IL6ST: variants seen among roughly 807,000 people sequenced by gnomAD.
IL6ST encodes the protein interleukin 6 cytokine family signal transducer, also known as interleukin-6 receptor subunit beta.
IL6ST carries 24 observed loss-of-function variants against 91.3 expected under a neutral mutation model. The observed-to-expected ratio is 0.26, with a 90% CI of 0.19 to 0.37. The LOEUF (loss-of-function observed/expected upper bound fraction) is 0.37. Ranked by LOEUF, IL6ST falls within the 10% of genes least tolerant of loss-of-function variation. The pLI is 1.00. For missense variants in IL6ST, 914 were observed against 1,078.5 expected (o/e 0.85, Z 2.14); for synonymous variants, 351 against 373.6 (o/e 0.94, Z 0.70).
At chr5:55,994,439 G>A (rs1315597671) in intron 1 of IL6ST, among the ~76,000 whole-genome samples, 1 of 152,132 alleles carries the variant, frequency 6.6e-6, no homozygotes, top group Non-Finnish European at 1.5e-5. Flanking sequence ...AGAATTTCAG[G>A]GGAGATGAAA....
At chr5:55,987,964 C>T (rs1156380458) in intron 1 of IL6ST, among the ~76,000 whole-genome samples, 1 of 152,000 alleles carries the variant, frequency 6.6e-6, no homozygotes, top group Non-Finnish European at 1.5e-5. Context: ...AACGCTGTCT[C>T]TACTAAAAAT....
intron 3 of IL6ST, among the ~76,000 whole-genome samples, chr5:55,970,529 AC>A (rs1483227097): frequency 1.6e-4 from 25 of 152,136 alleles, no homozygotes; most frequent in Non-Finnish European, 3.1e-4. Flanking sequence ...TGTACTAAAA[AC>A]AAAAAAAATT....
chr5:55,992,644 T>C (rs755323933), intron 1 of IL6ST, among the ~76,000 whole-genome samples: 43 of 152,208 alleles, frequency 2.8e-4, no homozygotes, highest in Non-Finnish European at 4.9e-4. Context: ...AGTCCTATAT[T>C]ATGTTCTATA....
In IL6ST at chr5:55,944,031, T is replaced by C. The variant is rs150985020; in HGVS notation, c.1938-1280A>G. Among the ~76,000 whole-genome samples, 825 of 152,246 alleles carry C rather than the reference T, an allele frequency of 5.4e-3. 3 individuals carry two copies. Among genetic ancestry groups the C allele is most frequent in the Non-Finnish European group, 7.6e-3 (515 of 68,000 alleles). On this transcript the variant is annotated intron_variant, in intron 15 of 16. Transcript: ENST00000381298. The stretch of plus-strand genomic sequence containing the variant: ...AGGTGGGGGTTGCAGTGAGCCAAGA[T>C]TGTGCCACTGCACTCCAGCCTGGGC...
intron 8 of IL6ST, 76 bp from the exon 9 acceptor site, chr5:55,957,367 C>T: frequency 1.3e-6 from 1 of 765,324 alleles, no homozygotes; most frequent in Non-Finnish European, 2.1e-6. Flanking sequence ...TATTCTTTTA[C>T]TTTGTTCTTA....
In IL6ST at chr5:55,941,523, C is replaced by T. The variant is rs751591161; in HGVS notation, c.2316G>A (p.Pro772=). 9.3e-6 allele frequency: 15 copies of T among 1,614,102 alleles called. No individual in the cohort carries two copies. The highest frequency in any genetic ancestry group is 1.6e-4 in the Middle Eastern group (1 of 6,062). Reference sequence around the variant, plus strand: ...CGGATCTTGAGAAGACTTGGACTGACGGAACTTGGTGTCTGTAGCCACTGT... The same window carrying T: ...CGGATCTTGAGAAGACTTGGACTGATGGAACTTGGTGTCTGTAGCCACTGT... The part of the protein sequence containing the change: ...VVHSGYRHQV[P]SVQVFSRSES... The change falls in exon 17 of 17, where the codon CCG becomes CCA. Residue 772 remains proline (P), a synonymous_variant. Transcript: ENST00000381298.
At chr5:55,964,120 ACT>A in intron 6 of IL6ST, 24 bp downstream of exon 6, 1 of 1,337,568 alleles carries the variant, frequency 7.5e-7, no homozygotes, top group East Asian at 2.5e-5. Flanking sequence ...TGTCAAATAA[ACT>A]CTCAAATTCA....
chr5:55,966,179 A>G (rs1752617972), intron 5 of IL6ST, among the ~76,000 whole-genome samples: 1 of 152,250 alleles, frequency 6.6e-6, no homozygotes, highest in Non-Finnish European at 1.5e-5. Context: ...CAAAGCTGTA[A>G]GGGAAATACT....
At position 55,940,901 on chromosome 5, in the gene IL6ST, T is replaced by A; in HGVS notation, c.*181A>T. ...AAGTCAGTTTATGTAGTGCTTAAAG[T>A]AGAATCCCAGATATTCTGGAATGGA... On this transcript the variant is annotated 3_prime_UTR_variant, in exon 17 of 17. Transcript: ENST00000381298. The A allele has an allele frequency of 1.7e-6, 1 of 604,414 alleles. No individual in the cohort carries two copies. Among genetic ancestry groups the A allele is most frequent in the Non-Finnish European group, 2.9e-6 (1 of 344,534 alleles). 37.4% of individuals were successfully genotyped at this position (604,414 alleles called of 1,614,324 possible).
intron 15 of IL6ST, among the ~76,000 whole-genome samples, chr5:55,944,451 A>G (rs1448554191): frequency 6.6e-6 from 1 of 152,184 alleles, no homozygotes; most frequent in Non-Finnish European, 1.5e-5. Flanking sequence ...TTTCATTTAT[A>G]ATAACAAAAA....
At position 55,940,038 on chromosome 5, in the gene IL6ST, T is replaced by A; in HGVS notation, c.*1044A>T. ...CCTACTTATTTAAAAATAAAAAAAA[T>A]ACTCAAAACAAATTTAAGCTGAAGA... On this transcript the variant is annotated 3_prime_UTR_variant, in exon 17 of 17. Transcript: ENST00000381298. 5.1e-6 allele frequency: 1 copy of A among 194,800 alleles called. No homozygotes were observed. Among genetic ancestry groups the A allele is most frequent in the East Asian group, 7.9e-5 (1 of 12,712 alleles). 12.1% of individuals were successfully genotyped at this position (194,800 alleles called of 1,614,324 possible). A position where few individuals can be genotyped will look rare whatever the true frequency, so the allele number is the denominator to read the frequency against.
At position 55,982,802 on chromosome 5, in the gene IL6ST, T is replaced by C. The variant is rs768962400; in HGVS notation, c.-94A>G. 3.5e-5 allele frequency: 14 copies of C among 398,190 alleles called. No individual in the cohort carries two copies. The highest frequency in any genetic ancestry group is 5.3e-5 in the Non-Finnish European group (12 of 225,918). The allele number at this position is 398,190 out of a possible 1,614,324, so 24.7% of individuals were successfully genotyped here. On this transcript the variant is annotated 5_prime_UTR_variant, in exon 2 of 17. The change abolishes an upstream ATG in the 5' untranslated region. Coordinates refer to ENST00000381298, the MANE Select transcript of IL6ST (RefSeq NM_002184.4). ...ACTTCTAAATGTCATGCTTTTTCCA[T>C]TGGGTTTCACTGTAAAGAGAGGAGA...
At chr5:55,975,714 T>C (rs1325696920) in intron 3 of IL6ST, among the ~76,000 whole-genome samples, 2 of 152,036 alleles carry the variant, frequency 1.3e-5, no homozygotes, top group South Asian at 2.1e-4. Context: ...GAAGAATCAG[T>C]AGGGTAATCA....
intron 11 of IL6ST, among the ~76,000 whole-genome samples, chr5:55,952,898 T>C (rs551093583): frequency 5.9e-5 from 9 of 152,090 alleles, no homozygotes; most frequent in African/African-American, 2.2e-4. Flanking sequence ...CCCCCTTTAC[T>C]GAAAATACAA....
intron 8 of IL6ST, among the ~76,000 whole-genome samples, chr5:55,957,591 T>C (rs1426023226): frequency 1.3e-5 from 2 of 152,208 alleles, no homozygotes; most frequent in African/African-American, 4.8e-5. Context: ...ATGTTCTTTA[T>C]TCTGTTTGTG....
At chr5:55,969,088 G>C (rs1752803707) in intron 4 of IL6ST, among the ~76,000 whole-genome samples, 1 of 151,964 alleles carries the variant, frequency 6.6e-6, no homozygotes, top group African/African-American at 2.4e-5. Context: ...CCAGCTACTT[G>C]GGAGGCTGAG....
At chr5:55,974,956 T>C (rs200320225) in intron 3 of IL6ST, among the ~76,000 whole-genome samples, 383 of 114,454 alleles carry the variant, frequency 3.3e-3, no homozygotes, top group South Asian at 5.3e-3. Context: ...CACACACACA[T>C]ACACACACAC....
At chr5:55,964,370 G>T in intron 5 of IL6ST, 58 bp from the exon 6 acceptor site, 1 of 1,283,020 alleles carries the variant, frequency 7.8e-7, no homozygotes, top group Non-Finnish European at 1.1e-6. Context: ...AAATTAGAGT[G>T]AAAAAAATTA....
intron 3 of IL6ST, among the ~76,000 whole-genome samples, chr5:55,970,212 T>G (rs1048048916): frequency 4.6e-5 from 7 of 152,094 alleles, no homozygotes; most frequent in Non-Finnish European, 1.0e-4. Context: ...AACTAAACTC[T>G]CCAGAAAACA....
Sources: gnomAD v4.1 joint callset for allele counts (sites outside exome capture counted in the v4.1 genomes callset) on GRCh38, gnomAD v4.1.1 for gene constraint, MANE v1.5 for transcripts, NCBI Gene and HGNC (gene_info 2026-07-23, HGNC 2026-07-21) for gene names.